Variants in PCDHA8 observed in about 807,000 individuals in gnomAD.
PCDHA8 encodes the protein protocadherin alpha-8.
PCDHA8 carries 53 observed loss-of-function variants against 61.8 expected under a neutral mutation model. The ratio of observed to expected loss-of-function variants is 0.86; its 90% CI spans 0.69 to 1.08. PCDHA8 has a LOEUF of 1.08. Ranked by LOEUF, PCDHA8 falls within the 50% of genes least tolerant of loss-of-function variation. The probability of loss-of-function intolerance (pLI) is 0.00; values close to 1 mark genes in which losing one functional copy is unlikely to be tolerated. For missense variants in PCDHA8, 1,293 were observed against 1,245.0 expected (o/e 1.04, Z -0.58); for synonymous variants, 618 against 556.6 (o/e 1.11, Z -1.55).
At chr5:141,001,452 A>G (rs2098018922) in intron 3 of PCDHA8, among the ~76,000 whole-genome samples, 1 of 152,196 alleles carries the variant, frequency 6.6e-6, no homozygotes, top group Admixed American at 6.5e-5. Context: ...TCCACTGTCA[A>G]TTGAAGGACT....
intron 1 of PCDHA8, among the ~76,000 whole-genome samples, chr5:140,913,380 T>C (rs1436602497): frequency 6.6e-6 from 1 of 152,226 alleles, no homozygotes; most frequent in Non-Finnish European, 1.5e-5. Context: ...ATATAGTGGC[T>C]CATCATAGCC....
intron 1 of PCDHA8, chr5:140,860,899 G>C (rs940246442): frequency 6.6e-6 from 1 of 152,256 alleles, no homozygotes; most frequent in Admixed American, 6.6e-5. Flanking sequence ...CAACACGCCA[G>C]GCTAATTTTT....
chr5:140,929,566 C>A, intron 1 of PCDHA8: 2 of 459,566 alleles, frequency 4.4e-6, no homozygotes, highest in Admixed American at 4.2e-5. Flanking sequence ...TATTTAAGAA[C>A]AATAAAAGTA....
rs182447320 is a variant in PCDHA8, at chr5:140,868,739, C to A, written c.2394+25024C>A. 921 of 204,056 alleles carry A rather than the reference C, an allele frequency of 4.5e-3. 4 individuals carry two copies. The highest frequency in any genetic ancestry group is 0.012 in the Middle Eastern group (6 of 494). The allele number at this position is 204,056 out of a possible 1,614,324, so 12.6% of individuals were successfully genotyped here. ...TAAATTTGATGTTAATCGAGAAATACAATGCCATTTCCATATATATTTAGT... is the reference window on the plus strand; with the variant it reads ...TAAATTTGATGTTAATCGAGAAATAAAATGCCATTTCCATATATATTTAGT... On this transcript the variant is annotated intron_variant, in intron 1 of 3. Transcript: ENST00000531613.
In PCDHA8 at chr5:140,882,341, G is replaced by A. The variant is rs782271839; in HGVS notation, c.2394+38626G>A. 5.6e-6 allele frequency: 9 copies of A among 1,614,058 alleles called. No individual in the cohort carries two copies. The Admixed American group carries it at 1.3e-4, about 24-fold the overall frequency. ...CTGGCTTCTGATCCTCGCAGCCTGGGAGACGGGTAGTGGCCAGCTCCACTA... is the reference window on the plus strand; with the variant it reads ...CTGGCTTCTGATCCTCGCAGCCTGGAAGACGGGTAGTGGCCAGCTCCACTA... On this transcript the variant is annotated intron_variant, in intron 1 of 3. Coordinates refer to ENST00000531613, the MANE Select transcript of PCDHA8 (RefSeq NM_018911.3).
At chr5:140,951,723 A>G (rs1364455679) in intron 1 of PCDHA8, among the ~76,000 whole-genome samples, 3 of 152,104 alleles carry the variant, frequency 2.0e-5, no homozygotes, top group Non-Finnish European at 4.4e-5. Flanking sequence ...GATCCAAACC[A>G]TGTCATTCTG....
chr5:140,937,953 T>G (rs955302275), intron 1 of PCDHA8, among the ~76,000 whole-genome samples: 5 of 152,174 alleles, frequency 3.3e-5, no homozygotes, highest in South Asian at 2.1e-4. Flanking sequence ...TGGCTTTTGT[T>G]GAAAGTATAT....
intron 1 of PCDHA8, among the ~76,000 whole-genome samples, chr5:140,947,317 G>A (rs1456422381): frequency 2.0e-5 from 3 of 151,480 alleles, no homozygotes; most frequent in Non-Finnish European, 4.4e-5. Flanking sequence ...TAAAAAGTCG[G>A]TTGACCATAA....
intron 1 of PCDHA8, chr5:140,927,919 C>G (rs782561454): frequency 6.2e-7 from 1 of 1,614,216 alleles, no homozygotes; most frequent in Non-Finnish European, 8.5e-7. Context: ...ACTGGACTTC[C>G]TGACTCTTTC....
chr5:141,004,697 T>A (rs2098177211), intron 3 of PCDHA8, among the ~76,000 whole-genome samples: 3 of 152,184 alleles, frequency 2.0e-5, no homozygotes, highest in Admixed American at 2.0e-4. Flanking sequence ...AAACCCAGTT[T>A]TAGGTGCCGA....
intron 2 of PCDHA8, among the ~76,000 whole-genome samples, chr5:140,979,943 T>A (rs2153820467): frequency 6.6e-6 from 1 of 152,364 alleles, no homozygotes; most frequent in Admixed American, 6.5e-5. Context: ...GTAGAGTTAA[T>A]GTGAAATTAG....
chr5:140,971,805 T>C (rs938421537), intron 1 of PCDHA8, among the ~76,000 whole-genome samples: 1 of 152,166 alleles, frequency 6.6e-6, no homozygotes, highest in Non-Finnish European at 1.5e-5. Flanking sequence ...AATATTATAA[T>C]ATTGAATACA....
chr5:140,897,885 C>G (rs1554187646), intron 1 of PCDHA8, among the ~76,000 whole-genome samples: 1 of 152,182 alleles, frequency 6.6e-6, no homozygotes, highest in Non-Finnish European at 1.5e-5. Context: ...GCCATTCTAA[C>G]TGGTGTGAGA....
chr5:140,854,089 G>A, intron 1 of PCDHA8: 1 of 266,188 alleles, frequency 3.8e-6, no homozygotes, highest in Non-Finnish European at 5.6e-6. Flanking sequence ...TTGAGCCTGG[G>A]ACATTGAGGC....
At chr5:140,961,446 T>G (rs1318543773) in intron 1 of PCDHA8, among the ~76,000 whole-genome samples, 1 of 152,238 alleles carries the variant, frequency 6.6e-6, no homozygotes. Flanking sequence ...CTAACTACAC[T>G]GTCTTGCAGC....
intron 1 of PCDHA8, chr5:140,928,747 C>T (rs781895762): frequency 2.5e-6 from 4 of 1,614,132 alleles, no homozygotes; most frequent in African/African-American, 2.7e-5. Context: ...AGGTGAGCTC[C>T]GTACTGCTCG....
At chr5:140,862,596 G>A (rs543851067) in intron 1 of PCDHA8, 2 of 510,824 alleles carry the variant, frequency 3.9e-6, no homozygotes, top group East Asian at 1.0e-4. Flanking sequence ...CCGAGTACAT[G>A]GTGTTCGTGA....
At chr5:140,966,663 A>C in intron 1 of PCDHA8, 1 of 1,237,556 alleles carries the variant, frequency 8.1e-7, no homozygotes, top group East Asian at 3.0e-5. Context: ...GTGGGGGAGC[A>C]GGCGCAGGGT....
At chr5:140,942,737 A>C (rs180744405) in intron 1 of PCDHA8, among the ~76,000 whole-genome samples, 1 of 152,354 alleles carries the variant, frequency 6.6e-6, no homozygotes, top group East Asian at 1.9e-4. Context: ...AAAATATTTT[A>C]AAATCTTGTA....
Sources: allele counts gnomAD v4.1 joint callset (sites outside exome capture counted in the v4.1 genomes callset), GRCh38; gene constraint gnomAD v4.1.1; transcripts MANE v1.5; gene names NCBI Gene and HGNC (gene_info 2026-07-23, HGNC 2026-07-21).